Variants in STAG1 observed in about 807,000 individuals in gnomAD.
The protein encoded by STAG1 is STAG1 cohesin complex component.
Under a neutral mutation model 170.9 loss-of-function variants are expected in STAG1, and 26 were observed. The observed-to-expected ratio is 0.15, with a 90% CI of 0.11 to 0.21. The LOEUF is 0.21. Ranked by LOEUF, STAG1 falls within the 10% of genes least tolerant of loss-of-function variation. The probability of loss-of-function intolerance (pLI) is 1.00; values close to 1 mark genes in which losing one functional copy is unlikely to be tolerated. For synonymous variants in STAG1, 514 were observed against 497.7 expected, an observed-to-expected ratio of 1.03 and a Z score of -0.44; for missense variants, 964 against 1,509.5, an observed-to-expected ratio of 0.64 and a Z score of 5.99.
intron 1 of STAG1, among the ~76,000 whole-genome samples, chr3:136,698,671 A>C (rs1283684777): frequency 2.6e-5 from 4 of 152,202 alleles, no homozygotes; most frequent in Non-Finnish European, 5.9e-5. Flanking sequence ...TAAAAAGGTT[A>C]CATATCAAAT....
intron 1 of STAG1, among the ~76,000 whole-genome samples, chr3:136,651,950 G>A: frequency 6.6e-6 from 1 of 152,192 alleles, no homozygotes; most frequent in Non-Finnish European, 1.5e-5. Flanking sequence ...CTGAAGTCAG[G>A]TGAGTGATTC....
intron 3 of STAG1, among the ~76,000 whole-genome samples, chr3:136,611,658 CTTTTTTTTTTT>C (rs760493827): frequency 4.1e-5 from 3 of 72,602 alleles, no homozygotes; most frequent in Admixed American, 1.5e-4. Flanking sequence ...CCACACCCAG[CTTTTTTTTTTT>C]TTTTTTTTTT....
chr3:136,698,625 C>A (rs1490302075), intron 1 of STAG1, among the ~76,000 whole-genome samples: 1 of 152,180 alleles, frequency 6.6e-6, no homozygotes, highest in East Asian at 1.9e-4. Context: ...TTTGATCCAA[C>A]AATCCCACTG....
chr3:136,702,822 C>T (rs1031802092), intron 1 of STAG1, among the ~76,000 whole-genome samples: 1 of 152,056 alleles, frequency 6.6e-6, no homozygotes, highest in African/African-American at 2.4e-5. Flanking sequence ...GTAATCCCAG[C>T]ACTATGAGAG....
rs575613396 is a variant in STAG1 at position 136,656,523 on chromosome 3, C to T, written c.-83-25542G>A. Among the ~76,000 whole-genome samples, 14 of 151,686 alleles carry T rather than the reference C, an allele frequency of 9.2e-5. No individual in the cohort carries two copies. The South Asian group carries it at 2.3e-3, about 25-fold the overall frequency. On this transcript the variant is annotated intron_variant, in intron 1 of 33. Coordinates refer to ENST00000383202, the MANE Select transcript of STAG1 (RefSeq NM_005862.3). Reference sequence around the variant, plus strand: ...GAGGGGTCCCCAGAACAAAGCAATGCCAATCCACTTTATGTTTGACTTCAA... The same window carrying T: ...GAGGGGTCCCCAGAACAAAGCAATGTCAATCCACTTTATGTTTGACTTCAA...
At chr3:136,370,748 T>A (rs1462719138) in intron 23 of STAG1, among the ~76,000 whole-genome samples, 6 of 152,348 alleles carry the variant, frequency 3.9e-5, no homozygotes, top group African/African-American at 1.2e-4. Context: ...ATTTTCTTAA[T>A]CTGGTCTATC....
chr3:136,388,167 A>G (rs943256246), intron 22 of STAG1, among the ~76,000 whole-genome samples: 11 of 152,196 alleles, frequency 7.2e-5, no homozygotes, highest in Non-Finnish European at 1.5e-4. Context: ...TTTCAATTTC[A>G]TCTTCTCAAC....
intron 14 of STAG1, among the ~76,000 whole-genome samples, chr3:136,444,198 C>A (rs535912654): frequency 2.6e-5 from 4 of 152,108 alleles, no homozygotes; most frequent in African/African-American, 9.7e-5. Context: ...CTCAGCCTCC[C>A]GAGTAGCTGG....
intron 12 of STAG1, among the ~76,000 whole-genome samples, chr3:136,467,082 G>C (rs1195016352): frequency 6.6e-6 from 1 of 152,222 alleles, no homozygotes; most frequent in Admixed American, 6.5e-5. Flanking sequence ...ATGCTAGAAA[G>C]AAACCGCATC....
intron 28 of STAG1, 75 bp from the exon 29 acceptor site, chr3:136,349,438 G>T: frequency 2.7e-6 from 3 of 1,114,448 alleles, no homozygotes; most frequent in Non-Finnish European, 4.0e-6. Context: ...TTAATCTGAG[G>T]CTCTCTTTCT....
At chr3:136,442,353 G>A (rs1026688834) in intron 15 of STAG1, among the ~76,000 whole-genome samples, 14 of 152,158 alleles carry the variant, frequency 9.2e-5, no homozygotes, top group Admixed American at 5.9e-4. Context: ...GTTTGAAAAC[G>A]TAACCATACA....
chr3:136,703,800 A>T (rs1269004948), intron 1 of STAG1, among the ~76,000 whole-genome samples: 2 of 152,078 alleles, frequency 1.3e-5, no homozygotes, highest in African/African-American at 2.4e-5. Flanking sequence ...ACCTGAGGGC[A>T]GGAGTTCAAG....
At chr3:136,523,877 TC>T (rs1393598215) in intron 6 of STAG1, among the ~76,000 whole-genome samples, 5 of 152,140 alleles carry the variant, frequency 3.3e-5, no homozygotes, top group Non-Finnish European at 5.9e-5. Flanking sequence ...CTTGTTTTTC[TC>T]AGGTTTGTCA....
At chr3:136,368,609 A>G (rs1261378478) in intron 24 of STAG1, among the ~76,000 whole-genome samples, 1 of 152,118 alleles carries the variant, frequency 6.6e-6, no homozygotes, top group Admixed American at 6.6e-5. Flanking sequence ...ATTACACCAT[A>G]GTTTGTAATA....
chr3:136,669,460 C>A (rs1576742156), intron 1 of STAG1, among the ~76,000 whole-genome samples: 1 of 152,076 alleles, frequency 6.6e-6, no homozygotes. Flanking sequence ...CTCAAGCAAT[C>A]CCCCCAGCTC....
chr3:136,537,390 G>A (rs1478078377), intron 6 of STAG1, among the ~76,000 whole-genome samples: 1 of 152,012 alleles, frequency 6.6e-6, no homozygotes, highest in Non-Finnish European at 1.5e-5. Flanking sequence ...ATACTCAAAG[G>A]AGCTGACAGT....
intron 1 of STAG1, among the ~76,000 whole-genome samples, chr3:136,725,279 GGTGT>G (rs10675753): frequency 6.6e-6 from 1 of 150,790 alleles, no homozygotes; most frequent in Admixed American, 6.6e-5. Flanking sequence ...AAATTATACG[GGTGT>G]GTGTGTGTGT....
intron 6 of STAG1, among the ~76,000 whole-genome samples, chr3:136,540,184 G>A (rs565918830): frequency 6.6e-6 from 1 of 151,568 alleles, no homozygotes; most frequent in African/African-American, 2.4e-5. Flanking sequence ...CAAGTTTCTC[G>A]GGTATATACA....
At chr3:136,378,734 T>C (rs655836) in intron 22 of STAG1, among the ~76,000 whole-genome samples, 57,918 of 152,136 alleles carry the variant, frequency 0.38, 13,564 homozygotes, top group East Asian at 0.81. Context: ...TACTATTATA[T>C]AGTTTAACAT....
Sources: allele counts gnomAD v4.1 joint callset (sites outside exome capture counted in the v4.1 genomes callset), GRCh38; gene constraint gnomAD v4.1.1; transcripts MANE v1.5; gene names NCBI Gene and HGNC (gene_info 2026-07-23, HGNC 2026-07-21).